ANKS1B: variants seen among roughly 807,000 people sequenced by gnomAD.
ANKS1B encodes the protein ankyrin repeat and sterile alpha motif domain-containing protein 1B.
A neutral mutation model predicts 148.3 loss-of-function variants in ANKS1B; 36 were observed. The ratio of observed to expected loss-of-function variants is 0.24; its 90% confidence interval spans 0.19 to 0.32. ANKS1B has a LOEUF of 0.32. Among genes scored for constraint, ANKS1B ranks in the 10% least tolerant of loss-of-function variants. ANKS1B has a pLI of 1.00. For missense variants in ANKS1B, 1,157 were observed against 1,542.6 expected (o/e 0.75, Z 4.19); for synonymous variants, 542 against 560.8 (o/e 0.97, Z 0.47).
Position 99,598,769 on chromosome 12 carries a change from C to A in ANKS1B, c.1272+56298G>T, listed in dbSNP as rs66681619. ...TATATGTGATAAAAAGAAGCATACA[C>A]GGAAATAACAGAAACAACTGTTGTA... On this transcript the variant is annotated intron_variant, in intron 9 of 26. Transcript: ENST00000683438. Among the ~76,000 whole-genome samples, 842 of 152,050 alleles carry A rather than the reference C, an allele frequency of 5.5e-3. 3 individuals are homozygous for A. The highest frequency in any genetic ancestry group is 0.017 in the Middle Eastern group (5 of 294).
intron 12 of ANKS1B, among the ~76,000 whole-genome samples, chr12:99,339,419 G>A (rs1603136733): frequency 6.6e-6 from 1 of 152,144 alleles, no homozygotes; most frequent in African/African-American, 2.4e-5. Flanking sequence ...GGTTGGTGTA[G>A]GCAATTCACA....
intron 10 of ANKS1B, among the ~76,000 whole-genome samples, chr12:99,500,931 T>C (rs2096649516): frequency 6.6e-6 from 1 of 152,152 alleles, no homozygotes; most frequent in South Asian, 2.1e-4. Context: ...TTCCACATTT[T>C]TGTCTCTGTG....
rs561788008 is a variant in ANKS1B, at chr12:99,592,688, C to G, written c.1272+62379G>C. Among the ~76,000 whole-genome samples the G allele has an allele frequency of 3.3e-5, 5 of 152,172 alleles. No individual in the cohort carries two copies. The South Asian group carries it at 1.0e-3, about 32-fold the overall frequency. On this transcript the variant is annotated intron_variant, in intron 9 of 26. Coordinates refer to ENST00000683438, the MANE Select transcript of ANKS1B (RefSeq NM_001352186.2). ...TTTTTTCAATGAAAAGAGTCAAACT[C>G]TGTCAAATATTTGAAGAGATTTATT...
chr12:99,284,741 C>T (rs768453485), intron 12 of ANKS1B, among the ~76,000 whole-genome samples: 14 of 152,132 alleles, frequency 9.2e-5, no homozygotes, highest in Non-Finnish European at 1.5e-4. Flanking sequence ...TACAATCTTT[C>T]AATGGCTCCC....
intron 1 of ANKS1B, among the ~76,000 whole-genome samples, chr12:99,909,212 T>G (rs1361585543): frequency 7.2e-6 from 1 of 137,944 alleles, no homozygotes; most frequent in Non-Finnish European, 1.5e-5. Context: ...TGGACAATAT[T>G]CCATCGTGTG....
chr12:99,953,964 T>G (rs545752686), intron 1 of ANKS1B, among the ~76,000 whole-genome samples: 2 of 151,906 alleles, frequency 1.3e-5, no homozygotes, highest in South Asian at 2.1e-4. Flanking sequence ...TAATAGGGGG[T>G]TTGTGGGGGA....
chr12:99,300,364 T>C (rs2081433042), intron 12 of ANKS1B, among the ~76,000 whole-genome samples: 1 of 152,098 alleles, frequency 6.6e-6, no homozygotes, highest in African/African-American at 2.4e-5. Flanking sequence ...ATCATCCCAA[T>C]GCTACATGTG....
At chr12:99,906,465 A>G (rs181128087) in intron 1 of ANKS1B, among the ~76,000 whole-genome samples, 53 of 152,320 alleles carry the variant, frequency 3.5e-4, no homozygotes, top group African/African-American at 1.2e-3. Flanking sequence ...ACAAATGATG[A>G]TCATTTACTT....
At chr12:99,548,808 G>A (rs2097193193) in intron 9 of ANKS1B, among the ~76,000 whole-genome samples, 1 of 152,066 alleles carries the variant, frequency 6.6e-6, no homozygotes, top group South Asian at 2.1e-4. Flanking sequence ...ATATATCTTA[G>A]GGATACAGAC....
chr12:99,597,134 T>C (rs2097764784), intron 9 of ANKS1B, among the ~76,000 whole-genome samples: 1 of 151,940 alleles, frequency 6.6e-6, no homozygotes, highest in Non-Finnish European at 1.5e-5. Context: ...AAAATTACAT[T>C]ATAATTGTAA....
chr12:99,895,326 T>C (rs1286557867), intron 1 of ANKS1B, among the ~76,000 whole-genome samples: 1 of 149,770 alleles, frequency 6.7e-6, no homozygotes, highest in East Asian at 1.9e-4. Flanking sequence ...TCTAGAAAAA[T>C]AATTACTATA....
At chr12:99,473,245 TC>T (rs780130148) in intron 10 of ANKS1B, among the ~76,000 whole-genome samples, 8 of 152,176 alleles carry the variant, frequency 5.3e-5, no homozygotes, top group East Asian at 3.9e-4. Context: ...CTCCTTTTTT[TC>T]ATTTAACACT....
chr12:98,964,624 T>C (rs188974994), intron 17 of ANKS1B, among the ~76,000 whole-genome samples: 3 of 152,204 alleles, frequency 2.0e-5, no homozygotes, highest in African/African-American at 7.2e-5. Flanking sequence ...TATCCAGCCA[T>C]AAAAAGGAAT....
chr12:99,533,640 C>A (rs2097027618), intron 9 of ANKS1B, among the ~76,000 whole-genome samples: 1 of 152,140 alleles, frequency 6.6e-6, no homozygotes, highest in Non-Finnish European at 1.5e-5. Context: ...TTCAACTTTT[C>A]CCCATTCAGT....
chr12:99,693,343 G>GC (rs917152413), intron 8 of ANKS1B, among the ~76,000 whole-genome samples: 2 of 152,154 alleles, frequency 1.3e-5, no homozygotes, highest in African/African-American at 4.8e-5. Context: ...GCCCATTAAA[G>GC]CAGAGACAGG....
intron 8 of ANKS1B, among the ~76,000 whole-genome samples, chr12:99,693,336 C>T (rs1432722192): frequency 6.6e-6 from 1 of 152,038 alleles, no homozygotes; most frequent in East Asian, 1.9e-4. Context: ...ATGGACTGCC[C>T]ATTAAAGCAG....
chr12:99,572,133 C>T (rs1184092430), intron 9 of ANKS1B, among the ~76,000 whole-genome samples: 1 of 151,974 alleles, frequency 6.6e-6, no homozygotes, highest in Non-Finnish European at 1.5e-5. Flanking sequence ...TCTTGGCTCT[C>T]AGTTTGTCTC....
At chr12:98,895,158 A>G in intron 17 of ANKS1B, 20 of 984,598 alleles carry the variant, frequency 2.0e-5, no homozygotes, top group Non-Finnish European at 2.4e-5. Flanking sequence ...TCACTGCGAG[A>G]GCGATGCGGG....
intron 20 of ANKS1B, among the ~76,000 whole-genome samples, 177 bp downstream of exon 20, chr12:98,807,667 C>A (rs1193714678): frequency 6.6e-6 from 1 of 152,150 alleles, no homozygotes; most frequent in Non-Finnish European, 1.5e-5. Flanking sequence ...AATGTTTGCA[C>A]ATCAACTAAT....
Sources: allele counts gnomAD v4.1 joint callset (sites outside exome capture counted in the v4.1 genomes callset), GRCh38; gene constraint gnomAD v4.1.1; transcripts MANE v1.5; gene names NCBI Gene and HGNC (gene_info 2026-07-23, HGNC 2026-07-21).